FRMD3: variants seen among roughly 807,000 people sequenced by gnomAD.
FRMD3 encodes the protein FERM domain containing 3.
A neutral mutation model predicts 70.2 loss-of-function variants in FRMD3; 33 were observed. The ratio of observed to expected loss-of-function variants is 0.47; its 90% CI spans 0.36 to 0.63. FRMD3 has a LOEUF of 0.63. Ranked by LOEUF, FRMD3 falls within the 20% of genes least tolerant of loss-of-function variation. The pLI, the probability that FRMD3 is intolerant of heterozygous loss-of-function variation, is 0.00. For synonymous variants in FRMD3, 279 were observed against 255.9 expected (o/e 1.09, Z -0.86); for missense variants, 632 against 711.4 (o/e 0.89, Z 1.27).
At chr9:83,325,913 TATAA>T (rs1435060832) in intron 6 of FRMD3, among the ~76,000 whole-genome samples, 1 of 152,216 alleles carries the variant, frequency 6.6e-6, no homozygotes, top group African/African-American at 2.4e-5. Flanking sequence ...TTTCAGTGTC[TATAA>T]ATAAAGTTTT....
At chr9:83,269,618 A>G (rs1395723002) in intron 13 of FRMD3, among the ~76,000 whole-genome samples, 1 of 152,076 alleles carries the variant, frequency 6.6e-6, no homozygotes, top group Non-Finnish European at 1.5e-5. Context: ...CTGAGGCAGG[A>G]GAATTGCATA....
intron 1 of FRMD3, among the ~76,000 whole-genome samples, chr9:83,472,690 G>A (rs1828297263): frequency 6.6e-6 from 1 of 152,130 alleles, no homozygotes; most frequent in South Asian, 2.1e-4. Context: ...TTTTCTTACT[G>A]AAAGAATCAC....
chr9:83,269,267 AC>A (rs1349201363), intron 13 of FRMD3, among the ~76,000 whole-genome samples: 1 of 152,236 alleles, frequency 6.6e-6, no homozygotes, highest in Admixed American at 6.5e-5. Context: ...ATATGACCTG[AC>A]AGCTCACTTG....
intron 1 of FRMD3, among the ~76,000 whole-genome samples, chr9:83,393,732 T>C (rs1825732888): frequency 6.6e-6 from 1 of 152,044 alleles, no homozygotes; most frequent in East Asian, 1.9e-4. Flanking sequence ...GCCGCTGATC[T>C]GACAGGAGGT....
intron 1 of FRMD3, among the ~76,000 whole-genome samples, chr9:83,474,036 G>C (rs1259215336): frequency 6.6e-6 from 1 of 152,074 alleles, no homozygotes; most frequent in Non-Finnish European, 1.5e-5. Flanking sequence ...GAGAAAAGGG[G>C]ACACAAAACA....
the FRMD3 span, among the ~76,000 whole-genome samples, chr9:83,552,950 T>C: frequency 6.6e-6 from 1 of 152,140 alleles, no homozygotes; most frequent in Admixed American, 6.6e-5. Context: ...CTTGTCACTC[T>C]AGTTTTTAAG....
chr9:83,311,176 T>C (rs527264231), intron 8 of FRMD3, among the ~76,000 whole-genome samples: 2 of 151,684 alleles, frequency 1.3e-5, no homozygotes, highest in South Asian at 4.2e-4. Flanking sequence ...AAGGGGCTGC[T>C]CTCCTCCAGG....
chr9:83,475,128 C>T (rs1828364334), intron 1 of FRMD3, among the ~76,000 whole-genome samples: 1 of 151,898 alleles, frequency 6.6e-6, no homozygotes, highest in African/African-American at 2.4e-5. Context: ...ACCGGGCATA[C>T]CAAGAGATAG....
the FRMD3 span, among the ~76,000 whole-genome samples, chr9:83,545,517 C>G: frequency 6.6e-6 from 1 of 151,872 alleles, no homozygotes; most frequent in South Asian, 2.1e-4. Flanking sequence ...ACCACCACAC[C>G]CAGCTAATTT....
intron 10 of FRMD3, among the ~76,000 whole-genome samples, chr9:83,305,981 C>A (rs1396719741): frequency 6.6e-6 from 1 of 152,164 alleles, no homozygotes; most frequent in Non-Finnish European, 1.5e-5. Flanking sequence ...TTACTAGCTG[C>A]CAGCTAATCT....
At chr9:83,532,531 G>C (rs114826380) in intron 1 of FRMD3, among the ~76,000 whole-genome samples, 434 of 152,238 alleles carry the variant, frequency 2.9e-3, no homozygotes, top group African/African-American at 0.01. Flanking sequence ...CTCATGAAAG[G>C]TTTATTGTAA....
intron 1 of FRMD3, among the ~76,000 whole-genome samples, chr9:83,494,791 T>C (rs1479196625): frequency 6.6e-6 from 1 of 152,080 alleles, no homozygotes; most frequent in Non-Finnish European, 1.5e-5. Context: ...CATGTGCCTG[T>C]AGTCCCAGCT....
chr9:83,357,248 T>TGG (rs1157031284), intron 3 of FRMD3, among the ~76,000 whole-genome samples: 152 of 3,266 alleles, frequency 0.047, 43 homozygotes, highest in African/African-American at 0.13. Context: ...AATACATACA[T>TGG]ATATATATAT....
At chr9:83,399,542 C>A (rs2131315629) in intron 1 of FRMD3, among the ~76,000 whole-genome samples, 1 of 152,292 alleles carries the variant, frequency 6.6e-6, no homozygotes, top group East Asian at 1.9e-4. Flanking sequence ...CTCTTCAAAG[C>A]ACTCACATCA....
the FRMD3 span, among the ~76,000 whole-genome samples, chr9:83,572,699 C>T: frequency 1.3e-5 from 2 of 152,108 alleles, no homozygotes; most frequent in African/African-American, 4.8e-5. Flanking sequence ...TGTTTTTCTT[C>T]CAGCCTGGTT....
intron 1 of FRMD3, among the ~76,000 whole-genome samples, chr9:83,416,747 C>CTCTCTG (rs1554702039): frequency 4.6e-5 from 4 of 87,056 alleles, no homozygotes; most frequent in African/African-American, 2.1e-4. Context: ...TTCTCTCTGT[C>CTCTCTG]TCTCTCTCTC....
At chr9:83,462,709 G>A (rs927140603) in intron 1 of FRMD3, among the ~76,000 whole-genome samples, 7 of 152,152 alleles carry the variant, frequency 4.6e-5, no homozygotes, top group Non-Finnish European at 8.8e-5. Context: ...ACAGAAGAAA[G>A]GAAGAGCTGC....
At chr9:83,322,751 G>A (rs1835849643) in intron 6 of FRMD3, among the ~76,000 whole-genome samples, 1 of 152,142 alleles carries the variant, frequency 6.6e-6, no homozygotes, top group Admixed American at 6.5e-5. Context: ...TCCATGCCCA[G>A]GAACCTCTCC....
intron 13 of FRMD3, among the ~76,000 whole-genome samples, chr9:83,273,213 T>C (rs1340194818): frequency 1.3e-5 from 2 of 152,206 alleles, no homozygotes; most frequent in Non-Finnish European, 2.9e-5. Flanking sequence ...GGGGAAAAGA[T>C]AGAGAAATCA....
Sources: gnomAD v4.1 joint callset for allele counts (sites outside exome capture counted in the v4.1 genomes callset) on GRCh38, gnomAD v4.1.1 for gene constraint, MANE v1.5 for transcripts, NCBI Gene and HGNC (gene_info 2026-07-23, HGNC 2026-07-21) for gene names.